Variants in TTN observed in about 807,000 individuals in gnomAD.
The protein encoded by TTN is connectin.
TTN carries 1,525 observed loss-of-function variants against 3,223.0 expected under a neutral mutation model. The ratio of observed to expected loss-of-function variants is 0.47; its 90% CI spans 0.45 to 0.49. TTN has a LOEUF of 0.49. TTN is among the 20% of genes least tolerant of loss of function. The pLI is 0.00. For missense variants in TTN, 40,786 were observed against 43,424.0 expected, an observed-to-expected ratio of 0.94 and a Z score of 5.40; for synonymous variants, 14,094 against 15,161.0, an observed-to-expected ratio of 0.93 and a Z score of 5.17.
chr2:178,738,133 C>T lies in TTN; in HGVS notation c.14320G>A (p.Ala4774Thr), dbSNP rs1404878972. 5 of 1,613,832 alleles carry T rather than the reference C, an allele frequency of 3.1e-6. No individual in the cohort carries two copies. The highest frequency in any genetic ancestry group is 4.2e-6 in the Non-Finnish European group (5 of 1,179,774). ...CTGACACTGCCATACTCATTGGAAG[C>T]TTTGCATGTATACTCGCCGCAGTCA... is the stretch of plus-strand genomic sequence containing the variant. Reference protein sequence around the residue: ...VVDCGEYTCKASNEYGSVSCT... With the variant: ...VVDCGEYTCKTSNEYGSVSCT... The change falls in exon 49 of 363, where the codon GCT (alanine) becomes ACT (threonine). Residue 4774 changes from alanine to threonine, a missense_variant. By Grantham distance (58) the Ala-to-Thr change is moderately conservative. Transcript: ENST00000589042.
chr2:178,775,393 A>G lies in TTN; in HGVS notation c.6471T>C (p.Ala2157=). The part of the protein sequence containing the change: ...ASIMVKAINI[A]GETSSHAFLL... ...AGAATGCGTGACTGGAGGTTTCTCC[A>G]GCTATGTTGATGGCTTTTACCATGA... Residue 2157 remains alanine (A), a synonymous_variant, in exon 28 of 363, where the codon GCT becomes GCC. Coordinates refer to ENST00000589042, the MANE Select transcript of TTN (RefSeq NM_001267550.2). The G allele has an allele frequency of 6.2e-7, 1 of 1,614,124 alleles. No individual in the cohort carries two copies. Among genetic ancestry groups the G allele is most frequent in the Non-Finnish European group, 8.5e-7 (1 of 1,180,010 alleles).
Position 178,582,190 on chromosome 2 carries a change from T to C in TTN, c.66179A>G (p.Asp22060Gly), listed in dbSNP as rs777203619. The change falls in exon 315 of 363, where the codon GAT (aspartate) becomes GGT (glycine). Residue 22060 changes from aspartate to glycine, a missense_variant. Physicochemically the swap from Asp to Gly is moderately conservative, Grantham distance 94. Coordinates refer to ENST00000589042, the MANE Select transcript of TTN (RefSeq NM_001267550.2). The part of the protein sequence containing the change: ...KNPYDPPGRC[D>G]PPVISNITKD... Reference sequence around the variant, plus strand: ...GGTTATGTTGCTAATAACAGGAGGATCACAGCGTCCTGGTGGGTCTGCAGA... The same window carrying C: ...GGTTATGTTGCTAATAACAGGAGGACCACAGCGTCCTGGTGGGTCTGCAGA... 29 of 1,612,458 alleles carry C rather than the reference T, an allele frequency of 1.8e-5. No homozygotes were observed. The highest frequency in any genetic ancestry group is 2.4e-5 in the Non-Finnish European group (28 of 1,179,380).
chr2:178,555,904 T>G (rs549029923), intron 330 of TTN: 7 of 152,358 alleles, frequency 4.6e-5, no homozygotes, highest in Admixed American at 4.6e-4. Flanking sequence ...ATGTGCCACT[T>G]ATTTTCCAGA....
intron 284 of TTN, 41 bp from the exon 285 acceptor site, chr2:178,601,955 C>T (rs2053576024): frequency 1.2e-6 from 2 of 1,612,624 alleles, no homozygotes; most frequent in Non-Finnish European, 1.7e-6. Flanking sequence ...ATAAATACTC[C>T]TTATAGTGAT....
chr2:178,593,886 A>G lies in TTN; in HGVS notation c.58433-19T>C, dbSNP rs1465538468. On this transcript the variant is annotated intron_variant, in intron 297 of 362. Coordinates refer to ENST00000589042, the MANE Select transcript of TTN (RefSeq NM_001267550.2). Reference sequence around the variant, plus strand: ...GGACGGTCTGCAGAAAAAAAAAATCATGGCACAAAATGTTATTGCCATTTC... The same window carrying G: ...GGACGGTCTGCAGAAAAAAAAAATCGTGGCACAAAATGTTATTGCCATTTC... The G allele has an allele frequency of 1.2e-6, 2 of 1,607,144 alleles. No homozygotes were observed. Among genetic ancestry groups the G allele is most frequent in the East Asian group, 2.2e-5 (1 of 44,656 alleles).
intron 10 of TTN, 106 bp downstream of exon 10, chr2:178,791,966 C>A (rs1574889267): frequency 7.9e-7 from 1 of 1,261,710 alleles, no homozygotes; most frequent in East Asian, 2.5e-5. Context: ...AAAAAATATA[C>A]AACCAAAGAC....
rs755738504 is a variant in TTN at position 178,549,830 on chromosome 2, T to C, written c.91892A>G (p.Asn30631Ser). ...CAGAGTCATCTTCTCCCCAGTAATA[T>C]TGGTGAATCTTATTGGCCCAACTAC... is the stretch of plus-strand genomic sequence containing the variant. ...GKVVGPIRFT[N>S]ITGEKMTLWW... Residue 30631 changes from asparagine (N) to serine (S), a missense_variant, in exon 338 of 363, where the codon AAT (asparagine) becomes AGT (serine). By Grantham distance (46) the Asn-to-Ser change is conservative. Transcript: ENST00000589042. The C allele has an allele frequency of 1.9e-5, 30 of 1,592,298 alleles. No individual in the cohort carries two copies. The highest frequency in any genetic ancestry group is 1.1e-4 in the East Asian group (5 of 44,524).
At position 178,578,964 on chromosome 2, in the gene TTN, T is replaced by A; in HGVS notation, c.68066A>T (p.Asn22689Ile). The change falls in exon 320 of 363, where the codon AAC (asparagine) becomes ATC (isoleucine). Residue 22689 changes from asparagine to isoleucine, a missense_variant. Asn to Ile is a moderately radical substitution (Grantham distance 149). Transcript: ENST00000589042. ...AGCTGAGGCGCACGTCACCCACTTG[T>A]TGTTCACAGAATCCCTCTTCTCTAG... ...YILEKRDSVNNKWVTCASAVQ... is the reference protein window; with the variant it reads ...YILEKRDSVNIKWVTCASAVQ... 6.2e-7 allele frequency: 1 copy of A among 1,613,238 alleles called. No individual in the cohort carries two copies. Among genetic ancestry groups the A allele is most frequent in the South Asian group, 1.1e-5 (1 of 91,070 alleles).
intron 155 of TTN, among the ~76,000 whole-genome samples, chr2:178,671,506 C>T (rs963441457): frequency 6.6e-6 from 1 of 151,696 alleles, no homozygotes; most frequent in African/African-American, 2.4e-5. Context: ...ACTTCACTTC[C>T]TTAATGTTGT....
chr2:178,714,979 A>T lies in TTN; in HGVS notation c.26200+7T>A. On this transcript the variant is annotated splice_region_variant and intron_variant, in intron 90 of 362. Coordinates refer to ENST00000589042, the MANE Select transcript of TTN (RefSeq NM_001267550.2). ...TAGTGAGCAGAAGTGAATGCAGTCC[A>T]TCTAACCTTTGAGAGCGATGGAACC... is the stretch of plus-strand genomic sequence containing the variant. 2 of 1,600,998 alleles carry T rather than the reference A, an allele frequency of 1.2e-6. No homozygotes were observed. Among genetic ancestry groups the T allele is most frequent in the South Asian group, 2.3e-5 (2 of 87,622 alleles).
At chr2:178,765,841 G>A (rs2090290802) in intron 41 of TTN, among the ~76,000 whole-genome samples, 1 of 152,156 alleles carries the variant, frequency 6.6e-6, no homozygotes, top group South Asian at 2.1e-4. Context: ...CTCCTCAGGA[G>A]TGCTTGGTAG....
rs770260995 is a variant in TTN at position 178,731,916 on chromosome 2, A to G, written c.16959T>C (p.Asp5653=). The G allele has an allele frequency of 7.3e-5, 118 of 1,613,562 alleles. No homozygotes were observed. Among genetic ancestry groups the G allele is most frequent in the Non-Finnish European group, 1.0e-4 (118 of 1,179,694 alleles). Reference sequence around the variant, plus strand: ...CTGCCACCTCAGCCAGCAACATGACATCGTACTCCTTTAAGACTTCAATTG... The same window carrying G: ...CTGCCACCTCAGCCAGCAACATGACGTCGTACTCCTTTAAGACTTCAATTG... ...FKPIEVLKEY[D]VMLLAEVAGT... Residue 5653 remains aspartate (D), a synonymous_variant, in exon 58 of 363, where the codon GAT becomes GAC. Transcript: ENST00000589042.
rs876657604 is a variant in TTN, at chr2:178,782,364, A to G, written c.3228T>C (p.Pro1076=). The change falls in exon 20 of 363, where the codon CCT becomes CCC. Residue 1076 remains proline (P), a synonymous_variant. Transcript: ENST00000589042. Reference sequence around the variant, plus strand: ...TAAAGTAAGGCGCGGCAGGTTCTCCAGGCCCTGCTTGTTCCTCTGTGAGGC... The same window carrying G: ...TAAAGTAAGGCGCGGCAGGTTCTCCGGGCCCTGCTTGTTCCTCTGTGAGGC... The part of the protein sequence containing the change: ...DTSLTEEQAG[P]GEPAAPYFIT... 1 of 1,614,132 alleles carries G rather than the reference A, an allele frequency of 6.2e-7. No individual in the cohort carries two copies. The highest frequency in any genetic ancestry group is 8.5e-7 in the Non-Finnish European group (1 of 1,179,998).
At position 178,634,069 on chromosome 2, in the gene TTN, A is replaced by T. The variant is rs1359996660; in HGVS notation, c.42430T>A (p.Phe14144Ile). ...RLFVTGIRLKFMSPLEDQTVK... is the reference protein window; with the variant it reads ...RLFVTGIRLKIMSPLEDQTVK... ...GTTTGATCTTCAAGAGGTGACATGAATTTCAGTCTTATACCTGAAATGCAA... is the reference window on the plus strand; with the variant it reads ...GTTTGATCTTCAAGAGGTGACATGATTTTCAGTCTTATACCTGAAATGCAA... Residue 14144 changes from phenylalanine (F) to isoleucine (I), a missense_variant, in exon 231 of 363, where the codon TTC becomes ATC. Transcript: ENST00000589042. This position sits in a 1 kb window ranked among gnomAD's most constrained non-coding sequence, Gnocchi z 4.6. 1 of 1,612,832 alleles carries T rather than the reference A, an allele frequency of 6.2e-7. No individual in the cohort carries two copies. The highest frequency in any genetic ancestry group is 1.7e-5 in the Admixed American group (1 of 59,966).
intron 262 of TTN, 23 bp downstream of exon 262, chr2:178,614,029 T>A (rs796927290): frequency 3.1e-6 from 5 of 1,609,036 alleles, no homozygotes; most frequent in African/African-American, 1.3e-5. Context: ...CTTTTTTTTT[T>A]ATCAGCTGAT....
chr2:178,776,144 G>A lies in TTN; in HGVS notation c.5720C>T (p.Thr1907Ile). The A allele has an allele frequency of 6.2e-7, 1 of 1,614,138 alleles. No homozygotes were observed. The highest frequency in any genetic ancestry group is 8.5e-7 in the Non-Finnish European group (1 of 1,180,008). Residue 1907 changes from threonine to isoleucine, a missense_variant, in exon 28 of 363, where the codon ACA becomes ATA. By Grantham distance (89) the Thr-to-Ile change is moderately conservative. Transcript: ENST00000589042. ...TTCCGCGGTGACCTTCACTTCACCT[G>A]TGTCATATGATTTGCAGTCCACGAT... is the stretch of plus-strand genomic sequence containing the variant. ...LDIVDCKSYDTGEVKVTAENP... is the reference protein window; with the variant it reads ...LDIVDCKSYDIGEVKVTAENP...
In TTN at chr2:178,584,778, A is replaced by C; in HGVS notation, c.64863T>G (p.Val21621=). The C allele has an allele frequency of 6.2e-7, 1 of 1,613,480 alleles. No homozygotes were observed. Among genetic ancestry groups the C allele is most frequent in the Non-Finnish European group, 8.5e-7 (1 of 1,179,560 alleles). The part of the protein sequence containing the change: ...LASVTKTSCR[V]GKLIPGQEYI... ...ACTCCTGGCCTGGGATCAGCTTTCC[A>C]ACCCTGCAGGAAGTTTTTGTGACTG... is the stretch of plus-strand genomic sequence containing the variant. Residue 21621 remains valine, a synonymous_variant, in exon 310 of 363, where the codon GTT becomes GTG. Transcript: ENST00000589042.
At chr2:178,736,632 GA>G in intron 49 of TTN, among the ~76,000 whole-genome samples, 1 of 152,244 alleles carries the variant, frequency 6.6e-6, no homozygotes, top group East Asian at 1.9e-4. Context: ...TCTGCATCTT[GA>G]AGCCAGACTT....
At chr2:178,688,641 A>T (rs1442614171) in intron 126 of TTN, 36 bp downstream of exon 126, 4 of 1,413,340 alleles carry the variant, frequency 2.8e-6, no homozygotes, top group Non-Finnish European at 4.0e-6. Context: ...GGAAACACAC[A>T]CAAACTCATT....
Sources: gnomAD v4.1 joint callset for allele counts (sites outside exome capture counted in the v4.1 genomes callset) on GRCh38, gnomAD v4.1.1 for gene constraint, Gnocchi (gnomAD v3.1) non-coding constraint, MANE v1.5 for transcripts, NCBI Gene and HGNC (gene_info 2026-07-23, HGNC 2026-07-21) for gene names.